WWOX: variants seen among roughly 807,000 people sequenced by gnomAD.
The protein encoded by WWOX is WW domain-containing oxidoreductase.
Under a neutral mutation model 46.2 loss-of-function variants are expected in WWOX, and 69 were observed. The ratio of observed to expected loss-of-function variants is 1.49; its 90% CI spans 1.23 to 1.82. WWOX has a LOEUF of 1.82. WWOX is among the 40% of genes most tolerant of loss of function. WWOX has a pLI of 0.00. For synonymous variants in WWOX, 359 were observed against 202.6 expected (o/e 1.77, Z -6.56); for missense variants, 919 against 542.6 (o/e 1.69, Z -6.89).
intron 8 of WWOX, among the ~76,000 whole-genome samples, chr16:78,964,801 G>A (rs1176118993): frequency 6.6e-6 from 1 of 152,188 alleles, no homozygotes; most frequent in Non-Finnish European, 1.5e-5. Context: ...GCCCAGCCCT[G>A]GGTCCCTGTG....
intron 8 of WWOX, among the ~76,000 whole-genome samples, chr16:79,115,928 C>T (rs1597388941): frequency 6.6e-6 from 1 of 152,140 alleles, no homozygotes; most frequent in Non-Finnish European, 1.5e-5. Context: ...AGAGATATTG[C>T]AGATCCCGTT....
intron 8 of WWOX, among the ~76,000 whole-genome samples, chr16:78,797,849 G>A (rs765103240): frequency 6.6e-5 from 10 of 152,274 alleles, no homozygotes; most frequent in South Asian, 6.2e-4. Context: ...TTAGCTGCGC[G>A]TGGTGGCGCG....
chr16:78,915,485 G>A (rs777910668), intron 8 of WWOX, among the ~76,000 whole-genome samples: 2 of 152,052 alleles, frequency 1.3e-5, no homozygotes, highest in East Asian at 1.9e-4. Context: ...AATGACGCTG[G>A]CCAATGAGCC....
chr16:78,672,877 A>C (rs1339582966), intron 8 of WWOX, among the ~76,000 whole-genome samples: 1 of 152,212 alleles, frequency 6.6e-6, no homozygotes, highest in Non-Finnish European at 1.5e-5. Flanking sequence ...GATGGATAGA[A>C]AAAGTAAAGC....
intron 8 of WWOX, among the ~76,000 whole-genome samples, chr16:79,107,636 C>T (rs1401185475): frequency 2.0e-5 from 3 of 152,170 alleles, no homozygotes; most frequent in Non-Finnish European, 4.4e-5. Context: ...TGAAACCCCA[C>T]CCTCACCCTT....
chr16:78,934,957 A>G (rs7199757), intron 8 of WWOX, among the ~76,000 whole-genome samples: 17,777 of 152,192 alleles, frequency 0.12, 1,141 homozygotes, highest in Non-Finnish European at 0.15. Context: ...AACATTAGAC[A>G]CTTTTCAAAA....
intron 5 of WWOX, among the ~76,000 whole-genome samples, chr16:78,305,534 T>TCCC (rs1470192433): frequency 6.6e-6 from 1 of 151,970 alleles, no homozygotes; most frequent in Non-Finnish European, 1.5e-5. Context: ...AAAGCCCAGA[T>TCCC]CCCGTGAACT....
chr16:79,077,724 A>C (rs1397666245), intron 8 of WWOX, among the ~76,000 whole-genome samples: 1 of 151,818 alleles, frequency 6.6e-6, no homozygotes, highest in Non-Finnish European at 1.5e-5. Flanking sequence ...TGTTGGTGTA[A>C]GAAATAATAA....
At chr16:78,839,785 A>G (rs1374622145) in intron 8 of WWOX, among the ~76,000 whole-genome samples, 1 of 152,110 alleles carries the variant, frequency 6.6e-6, no homozygotes, top group African/African-American at 2.4e-5. Flanking sequence ...ATGGGTTAGG[A>G]GAAGGCTTGA....
chr16:78,461,171 T>C (rs2083937882), intron 8 of WWOX, among the ~76,000 whole-genome samples: 1 of 152,216 alleles, frequency 6.6e-6, no homozygotes. Context: ...GATTTCACTA[T>C]CCATGAATTG....
intron 6 of WWOX, among the ~76,000 whole-genome samples, chr16:78,423,720 C>T (rs1304111039): frequency 9.9e-5 from 15 of 151,880 alleles, no homozygotes; most frequent in Non-Finnish European, 1.5e-5. Flanking sequence ...GTGGTGTGCC[C>T]CTGTAGTCCC....
chr16:79,169,698 G>T (rs1158603034), intron 8 of WWOX, among the ~76,000 whole-genome samples: 1 of 152,184 alleles, frequency 6.6e-6, no homozygotes, highest in Admixed American at 6.5e-5. Flanking sequence ...GTTTAGAATG[G>T]ACCTGCCAAA....
chr16:78,366,969 ATTTTTTTTTTTTTTTTT>A (rs544239767), intron 5 of WWOX, among the ~76,000 whole-genome samples: 1 of 74,242 alleles, frequency 1.3e-5, no homozygotes, highest in African/African-American at 5.9e-5. Context: ...CAAAAGTTAC[ATTTTTTTTTTTTTTTTT>A]TTTTTTTTTT....
chr16:79,080,699 G>T (rs2150581295), intron 8 of WWOX, among the ~76,000 whole-genome samples: 1 of 152,278 alleles, frequency 6.6e-6, no homozygotes, highest in South Asian at 2.1e-4. Context: ...GGGTACAGTG[G>T]CTCATACCTG....
chr16:78,997,870 T>C (rs2047020462), intron 8 of WWOX, among the ~76,000 whole-genome samples: 1 of 152,166 alleles, frequency 6.6e-6, no homozygotes, highest in African/African-American at 2.4e-5. Flanking sequence ...AATGTTTAGC[T>C]TCCAACATTC....
intron 5 of WWOX, among the ~76,000 whole-genome samples, chr16:78,188,173 G>A (rs1465792910): frequency 1.3e-5 from 2 of 152,148 alleles, no homozygotes; most frequent in African/African-American, 4.8e-5. Flanking sequence ...GGTGAGAAGA[G>A]TTTACATCTG....
chr16:78,386,722 G>A (rs867770209), intron 5 of WWOX, 138 bp from the exon 6 acceptor site: 19 of 614,832 alleles, frequency 3.1e-5, no homozygotes, highest in African/African-American at 2.3e-4. Flanking sequence ...CATTCATTCC[G>A]ATGATTTATA....
In WWOX at chr16:78,205,136, C is replaced by G. The variant is rs116104968; in HGVS notation, c.516+40847C>G. Among the ~76,000 whole-genome samples, 638 of 152,184 alleles carry G rather than the reference C, an allele frequency of 4.2e-3. 3 individuals carry two copies. Among genetic ancestry groups the G allele is most frequent in the African/African-American group, 0.015 (611 of 41,512 alleles). ...GGATATTAAAGAACTCTGTGGTGAG[C>G]TGGACAGGATGACATGACAATTATG... On this transcript the variant is annotated intron_variant, in intron 5 of 8. Coordinates refer to ENST00000566780, the MANE Select transcript of WWOX (RefSeq NM_016373.4).
chr16:78,585,662 T>G (rs1237601629), intron 8 of WWOX, among the ~76,000 whole-genome samples: 3 of 151,434 alleles, frequency 2.0e-5, no homozygotes, highest in Non-Finnish European at 4.4e-5. Flanking sequence ...TTTTTTCTTT[T>G]GTTTTGTTTT....
Sources: allele counts gnomAD v4.1 joint callset (sites outside exome capture counted in the v4.1 genomes callset), GRCh38; gene constraint gnomAD v4.1.1; transcripts MANE v1.5; gene names NCBI Gene and HGNC (gene_info 2026-07-23, HGNC 2026-07-21).